ZNF30: variants seen among roughly 807,000 people sequenced by gnomAD.
ZNF30 encodes zinc finger protein 30 (KOX 28).
In ZNF30, 15 loss-of-function variants were observed where a neutral mutation model predicts 13.2. The observed-to-expected ratio is 1.13, with a 90% CI of 0.76 to 1.75. The LOEUF is 1.75. ZNF30 is among the 40% of genes most tolerant of loss of function. ZNF30 has a pLI of 0.00. For missense variants in ZNF30, 726 were observed against 757.0 expected, an observed-to-expected ratio of 0.96 and a Z score of 0.48; for synonymous variants, 223 against 256.6, an observed-to-expected ratio of 0.87 and a Z score of 1.25.
At chr19:34,935,599 G>C (rs1460340193) in intron 4 of ZNF30, among the ~76,000 whole-genome samples, 1 of 151,676 alleles carries the variant, frequency 6.6e-6, no homozygotes, top group Non-Finnish European at 1.5e-5. Flanking sequence ...CAGATGCCTA[G>C]ACCACACAAG....
At position 34,935,198 on chromosome 19, in the gene ZNF30, T is replaced by C. The variant is rs1044384211; in HGVS notation, c.256+1475T>C. Among the ~76,000 whole-genome samples, 3 of 151,694 alleles carry C rather than the reference T, an allele frequency of 2.0e-5. No individual in the cohort carries two copies. In the East Asian group the frequency reaches 5.8e-4, roughly 29 times the overall value. On this transcript the variant is annotated intron_variant, in intron 4 of 4. Transcript: ENST00000601142. Reference sequence around the variant, plus strand: ...GTGAGCCAAGATTGTGCCACTGCACTCCAGCCTGGGCGACAGAGCGAGACT... The same window carrying C: ...GTGAGCCAAGATTGTGCCACTGCACCCCAGCCTGGGCGACAGAGCGAGACT...
intron 4 of ZNF30, among the ~76,000 whole-genome samples, chr19:34,938,639 A>T (rs1448845796): frequency 6.6e-6 from 1 of 152,146 alleles, no homozygotes; most frequent in Non-Finnish European, 1.5e-5. Flanking sequence ...AGAATTAAGG[A>T]TATGATTCTT....
upstream of ZNF30, among the ~76,000 whole-genome samples, chr19:34,924,809 G>A (rs1162626963): frequency 1.3e-5 from 2 of 152,182 alleles, no homozygotes; most frequent in African/African-American, 2.4e-5. Context: ...TAGCCTATAT[G>A]GTGAACTTAC....
chr19:34,931,698 C>T (rs1172846270), intron 2 of ZNF30, 145 bp from the exon 3 acceptor site: 3 of 720,984 alleles, frequency 4.2e-6, no homozygotes, highest in African/African-American at 1.8e-5. Flanking sequence ...AGGATTCTTC[C>T]AGAACATGCA....
At chr19:34,942,245 C>T (rs918319116) in intron 4 of ZNF30, among the ~76,000 whole-genome samples, 37 of 151,964 alleles carry the variant, frequency 2.4e-4, no homozygotes, top group African/African-American at 8.0e-4. Context: ...GAATTGGAGA[C>T]CAGCCTGGGC....
chr19:34,935,795 C>T (rs1165179059), intron 4 of ZNF30, among the ~76,000 whole-genome samples: 5 of 148,122 alleles, frequency 3.4e-5, no homozygotes, highest in Non-Finnish European at 7.4e-5. Flanking sequence ...AATGCTACCA[C>T]TTCCACCATT....
rs1178879595 is a variant in ZNF30 at position 34,931,951 on chromosome 19, A to G, written c.118A>G (p.Arg40Gly). The change falls in exon 3 of 5, where the codon AGA becomes GGA. Residue 40 changes from arginine to glycine, a missense_variant. Physicochemically the swap from Arg to Gly is moderately radical, Grantham distance 125 (BLOSUM62 -2). Transcript: ENST00000601142. ...SLDSSQRGLY[R>G]DVMLENYRNL... ...GGACTCTTCCCAGAGGGGCTTGTAC[A>G]GAGATGTGATGTTGGAGAACTACAG... The G allele has an allele frequency of 6.2e-7, 1 of 1,607,344 alleles. No individual in the cohort carries two copies. Among genetic ancestry groups the G allele is most frequent in the East Asian group, 2.2e-5 (1 of 44,552 alleles).
In ZNF30 at chr19:34,944,398, C is replaced by T. The variant is rs367569512; in HGVS notation, c.1432C>T (p.His478Tyr). 13 of 1,614,056 alleles carry T rather than the reference C, an allele frequency of 8.1e-6. No homozygotes were observed. The highest frequency in any genetic ancestry group is 6.7e-5 in the African/African-American group (5 of 74,906). ...HVHLTQHRKIHTDVKPYECKE... is the reference protein window; with the variant it reads ...HVHLTQHRKIYTDVKPYECKE... ...ACATCTCACACAGCATCGGAAAATT[C>T]ATACTGATGTAAAGCCCTATGAATG... The change falls in exon 5 of 5, where the codon CAT (histidine) becomes TAT (tyrosine). Residue 478 changes from histidine to tyrosine, a missense_variant. His to Tyr is a moderately conservative substitution (Grantham distance 83). Coordinates refer to ENST00000601142, the MANE Select transcript of ZNF30 (RefSeq NM_194325.3).
In ZNF30 at chr19:34,933,603, T is replaced by G. The variant is rs367895669; in HGVS notation, c.161-25T>G. The G allele has an allele frequency of 5.2e-5, 80 of 1,533,474 alleles. No homozygotes were observed. The African/African-American group carries it at 9.6e-4, about 18-fold the overall frequency. 95.0% of individuals were successfully genotyped at this position (1,533,474 alleles called of 1,614,324 possible). A position where few individuals can be genotyped will look rare whatever the true frequency, so the allele number is the denominator to read the frequency against. On this transcript the variant is annotated intron_variant, in intron 3 of 4. Transcript: ENST00000601142. ...TTTTTGAACTCATATTTTATTTCTT[T>G]TCTACATTCTTATCTCATAAGCAGG...
chr19:34,934,588 G>A (rs1156704744), intron 4 of ZNF30, among the ~76,000 whole-genome samples: 1 of 152,078 alleles, frequency 6.6e-6, no homozygotes, highest in South Asian at 2.1e-4. Flanking sequence ...ATTTTCTAAT[G>A]TAACTAGAAA....
At chr19:34,925,726 C>T (rs1485169523), upstream of ZNF30, among the ~76,000 whole-genome samples, 3 of 152,102 alleles carry the variant, frequency 2.0e-5, no homozygotes, top group Admixed American at 2.0e-4. Flanking sequence ...TAGCCAGGGA[C>T]CACACCCTCC....
chr19:34,928,066 A>C (rs775386294), intron 1 of ZNF30, among the ~76,000 whole-genome samples: 44 of 151,608 alleles, frequency 2.9e-4, no homozygotes, highest in Admixed American at 2.2e-3. Context: ...TTAGCCAGGC[A>C]TGGTGGCGTG....
In ZNF30 at chr19:34,933,717, T is replaced by G; in HGVS notation, c.250T>G (p.Cys84Gly). ...VTVRKDGRRW[C>G]TDLQLEDDTI... ...AGTGAGGAAAGATGGAAGAAGATGGTGCACAGGTGAGTAAGAGCATGGCAG... is the reference window on the plus strand; with the variant it reads ...AGTGAGGAAAGATGGAAGAAGATGGGGCACAGGTGAGTAAGAGCATGGCAG... The change falls in exon 4 of 5, where the codon TGC (cysteine) becomes GGC (glycine). Residue 84 changes from cysteine (C) to glycine (G), a missense_variant. Physicochemically the swap from Cys to Gly is radical, Grantham distance 159 (BLOSUM62 -3). Coordinates refer to ENST00000601142, the MANE Select transcript of ZNF30 (RefSeq NM_194325.3). The G allele has an allele frequency of 6.3e-7, 1 of 1,580,824 alleles. No homozygotes were observed. The highest frequency in any genetic ancestry group is 8.6e-7 in the Non-Finnish European group (1 of 1,162,170).
chr19:34,939,859 C>T (rs1182235939), intron 4 of ZNF30, among the ~76,000 whole-genome samples: 1 of 152,058 alleles, frequency 6.6e-6, no homozygotes, highest in Non-Finnish European at 1.5e-5. Flanking sequence ...GATGATGAGA[C>T]GGAAAAATGT....
intron 3 of ZNF30, 147 bp from the exon 4 acceptor site, chr19:34,933,481 G>A (rs1219106078): frequency 1.9e-6 from 1 of 535,966 alleles, no homozygotes; most frequent in East Asian, 3.6e-5. Flanking sequence ...CTACCTGTCT[G>A]GAATTATGAA....
chr19:34,935,123 C>T (rs1024726712), intron 4 of ZNF30, among the ~76,000 whole-genome samples: 2 of 151,626 alleles, frequency 1.3e-5, no homozygotes, highest in Non-Finnish European at 2.9e-5. Flanking sequence ...CCCAGCTACT[C>T]GGGAGGCTGA....
intron 1 of ZNF30, among the ~76,000 whole-genome samples, chr19:34,928,982 C>CCATA (rs1226097208): frequency 6.6e-6 from 1 of 151,660 alleles, no homozygotes; most frequent in Non-Finnish European, 1.5e-5. Context: ...GAGGGAGCTA[C>CCATA]CATAGTAAGA....
At position 34,943,621 on chromosome 19, in the gene ZNF30, C is replaced by A; in HGVS notation, c.655C>A (p.Leu219Ile). 6.2e-7 allele frequency: 1 copy of A among 1,613,752 alleles called. No individual in the cohort carries two copies. The highest frequency in any genetic ancestry group is 1.3e-5 in the African/African-American group (1 of 75,016). Reference sequence around the variant, plus strand: ...AAAGACTATTAGTGGTAGCTATCAACTTACAGTACATAAGAGTATTCATAC... The same window carrying A: ...AAAGACTATTAGTGGTAGCTATCAAATTACAGTACATAAGAGTATTCATAC... ...CGKTISGSYQ[L>I]TVHKSIHTGK... The change falls in exon 5 of 5, where the codon CTT becomes ATT. Residue 219 changes from leucine (L) to isoleucine (I), a missense_variant. Leu to Ile is a conservative substitution (Grantham distance 5). Transcript: ENST00000601142.
Position 34,944,516 on chromosome 19 carries a change from G to A in ZNF30, c.1550G>A (p.Cys517Tyr), listed in dbSNP as rs1011358290. The A allele has an allele frequency of 4.3e-6, 7 of 1,614,022 alleles. No individual in the cohort carries two copies. The highest frequency in any genetic ancestry group is 1.7e-5 in the Admixed American group (1 of 60,002). ...TGKKPYECKE[C>Y]GKAFSSGSYL... ...AAGAAGCCCTATGAGTGTAAGGAGT[G>A]TGGCAAGGCCTTCAGTTCTGGCTCA... The change falls in exon 5 of 5, where the codon TGT becomes TAT. Residue 517 changes from cysteine to tyrosine, a missense_variant. By Grantham distance (194) the Cys-to-Tyr change is radical. Transcript: ENST00000601142.
Sources: allele counts gnomAD v4.1 joint callset (sites outside exome capture counted in the v4.1 genomes callset), GRCh38; gene constraint gnomAD v4.1.1; transcripts MANE v1.5; gene names NCBI Gene and HGNC (gene_info 2026-07-23, HGNC 2026-07-21).